Variants in KSR1 observed in about 807,000 individuals in gnomAD.
The protein encoded by KSR1 is kinase suppressor of ras 1.
In KSR1, 35 loss-of-function variants were observed where a neutral mutation model predicts 92.9. That is an observed-to-expected ratio of 0.38 (90% confidence interval 0.29 to 0.50). KSR1 has a LOEUF of 0.50. KSR1 is among the 20% of genes least tolerant of loss of function. The pLI is 0.94. For missense variants in KSR1, 972 were observed against 1,158.5 expected, an observed-to-expected ratio of 0.84 and a Z score of 2.34; for synonymous variants, 467 against 472.6, an observed-to-expected ratio of 0.99 and a Z score of 0.15.
intron 1 of KSR1, among the ~76,000 whole-genome samples, chr17:27,514,668 A>G (rs2069723187): frequency 6.6e-6 from 1 of 152,004 alleles, no homozygotes; most frequent in African/African-American, 2.4e-5. Flanking sequence ...CTCAAAAAAA[A>G]AAAAAAAGAA....
intron 1 of KSR1, among the ~76,000 whole-genome samples, chr17:27,550,095 G>A (rs933434076): frequency 5.9e-5 from 9 of 152,072 alleles, no homozygotes; most frequent in South Asian, 2.1e-4. Flanking sequence ...GCTGGAGTAC[G>A]GTGGTGTGAT....
At chr17:27,525,352 C>T (rs1019705937) in intron 1 of KSR1, among the ~76,000 whole-genome samples, 2 of 152,240 alleles carry the variant, frequency 1.3e-5, no homozygotes, top group African/African-American at 4.8e-5. Flanking sequence ...GGATGGGATG[C>T]ACTCTTTCAC....
In KSR1 at chr17:27,496,118, C is replaced by T. The variant is rs1217582733; in HGVS notation, c.231+39244C>T. On this transcript the variant is annotated intron_variant, in intron 1 of 20. Coordinates refer to ENST00000644974, the MANE Select transcript of KSR1 (RefSeq NM_001394583.1). ...CCCAGCATTATGAATCTCTTTTGGCCAAGTTCCTGGGATAGGCCTGTTTCT... is the reference window on the plus strand; with the variant it reads ...CCCAGCATTATGAATCTCTTTTGGCTAAGTTCCTGGGATAGGCCTGTTTCT... Among the ~76,000 whole-genome samples, 2 of 152,198 alleles carry T rather than the reference C, an allele frequency of 1.3e-5. 1 individual carries two copies. The highest frequency in any genetic ancestry group is 2.9e-5 in the Non-Finnish European group (2 of 68,042).
intron 1 of KSR1, chr17:27,472,180 T>C: frequency 6.5e-6 from 1 of 152,752 alleles, no homozygotes. Context: ...CTTTCTCCCC[T>C]GACTGCGGAC....
At chr17:27,484,454 ACTC>A (rs1389432665) in intron 1 of KSR1, among the ~76,000 whole-genome samples, 1 of 151,456 alleles carries the variant, frequency 6.6e-6, no homozygotes, top group African/African-American at 2.4e-5. Context: ...CTGGTCTTGA[ACTC>A]CTGGCCTCAA....
intron 18 of KSR1, chr17:27,613,062 G>A (rs1567890999): frequency 6.6e-6 from 1 of 152,222 alleles, no homozygotes; most frequent in Non-Finnish European, 1.5e-5. Context: ...TTTGTACGGG[G>A]ATGCCCCTCC....
intron 1 of KSR1, among the ~76,000 whole-genome samples, chr17:27,507,346 T>C (rs1332188320): frequency 2.0e-5 from 3 of 151,858 alleles, no homozygotes; most frequent in African/African-American, 4.8e-5. Flanking sequence ...GGCAGAAGAA[T>C]TGCTTGAACC....
intron 12 of KSR1, 57 bp downstream of exon 12, chr17:27,603,945 T>C (rs1001504648): frequency 2.0e-5 from 31 of 1,556,820 alleles, no homozygotes; most frequent in Non-Finnish European, 2.2e-5. Context: ...TAAGGCTGGA[T>C]CCATATCCCT....
chr17:27,495,001 C>T (rs887003275), intron 1 of KSR1, among the ~76,000 whole-genome samples: 2 of 152,186 alleles, frequency 1.3e-5, no homozygotes, highest in African/African-American at 4.8e-5. Flanking sequence ...CCGGGCAGTG[C>T]GGGTTCCAGG....
intron 3 of KSR1, among the ~76,000 whole-genome samples, chr17:27,582,208 A>G (rs911714079): frequency 4.6e-5 from 7 of 152,152 alleles, no homozygotes; most frequent in African/African-American, 1.7e-4. Flanking sequence ...ATCCAGGTTG[A>G]GTATCCCCTA....
chr17:27,472,423 G>C (rs556323185), intron 1 of KSR1, among the ~76,000 whole-genome samples: 1 of 152,326 alleles, frequency 6.6e-6, no homozygotes, highest in South Asian at 2.1e-4. Context: ...ATAAGCCCCG[G>C]GGGGCTCTGA....
At chr17:27,513,446 G>A (rs532164162) in intron 1 of KSR1, among the ~76,000 whole-genome samples, 20 of 152,182 alleles carry the variant, frequency 1.3e-4, no homozygotes, top group African/African-American at 4.6e-4. Context: ...AAATGCTGCT[G>A]TGAGCATTGT....
chr17:27,590,711 C>T, intron 6 of KSR1, 100 bp from the exon 7 acceptor site: 2 of 1,111,762 alleles, frequency 1.8e-6, no homozygotes, highest in South Asian at 1.4e-5. Context: ...GGGATGGAGC[C>T]AAGACTCCCA....
chr17:27,570,076 G>A (rs1429221801), intron 2 of KSR1, among the ~76,000 whole-genome samples: 1 of 152,214 alleles, frequency 6.6e-6, no homozygotes, highest in African/African-American at 2.4e-5. Flanking sequence ...GATTAAAAGG[G>A]AACATGGAGA....
intron 1 of KSR1, among the ~76,000 whole-genome samples, chr17:27,534,806 C>G (rs2070697494): frequency 6.6e-6 from 1 of 152,178 alleles, no homozygotes; most frequent in Non-Finnish European, 1.5e-5. Flanking sequence ...CCTTCTTTCT[C>G]CCTCCCAGAG....
Position 27,516,984 on chromosome 17 carries a change from C to G in KSR1, c.232-33584C>G, listed in dbSNP as rs889083659. On this transcript the variant is annotated intron_variant, in intron 1 of 20. Coordinates refer to ENST00000644974, the MANE Select transcript of KSR1 (RefSeq NM_001394583.1). ...TTAACATCACATGACAGATAGCAGG[C>G]CCTGAAAGAAAGAAACAAAAACAAA... Among the ~76,000 whole-genome samples the G allele has an allele frequency of 4.6e-5, 7 of 152,286 alleles. No individual in the cohort carries two copies. In the East Asian group the frequency reaches 1.4e-3, roughly 29 times the overall value.
chr17:27,493,942 T>TTG (rs1219018054), intron 1 of KSR1, among the ~76,000 whole-genome samples: 3 of 152,180 alleles, frequency 2.0e-5, no homozygotes, highest in African/African-American at 7.2e-5. Flanking sequence ...GGCTCCCATT[T>TTG]TGTGGTGTGA....
chr17:27,464,200 T>C (rs748342832), intron 1 of KSR1, among the ~76,000 whole-genome samples: 4 of 152,138 alleles, frequency 2.6e-5, no homozygotes, highest in African/African-American at 4.8e-5. Context: ...CTTTCCTAGC[T>C]CTGTCCCAGT....
intron 1 of KSR1, among the ~76,000 whole-genome samples, chr17:27,512,818 A>G (rs1597917264): frequency 2.0e-5 from 3 of 152,198 alleles, no homozygotes; most frequent in Admixed American, 6.5e-5. Flanking sequence ...TTTATATTGT[A>G]AAATATTATA....
Sources: allele counts gnomAD v4.1 joint callset (sites outside exome capture counted in the v4.1 genomes callset), GRCh38; gene constraint gnomAD v4.1.1; transcripts MANE v1.5; gene names NCBI Gene and HGNC (gene_info 2026-07-23, HGNC 2026-07-21).